Variants in PCDHA4 observed in about 807,000 individuals in gnomAD.
The protein encoded by PCDHA4 is protocadherin alpha-4.
A neutral mutation model predicts 61.4 loss-of-function variants in PCDHA4; 49 were observed. The ratio of observed to expected loss-of-function variants is 0.80; its 90% CI spans 0.63 to 1.01. The LOEUF (loss-of-function observed/expected upper bound fraction) is 1.01, where lower values mean the gene tolerates loss of function less well. Ranked by LOEUF, PCDHA4 falls within the 50% of genes least tolerant of loss-of-function variation. The pLI, the probability that PCDHA4 is intolerant of heterozygous loss-of-function variation, is 0.00. For synonymous variants in PCDHA4, 590 were observed against 550.3 expected, an observed-to-expected ratio of 1.07 and a Z score of -1.01; for missense variants, 1,254 against 1,235.8, an observed-to-expected ratio of 1.01 and a Z score of -0.22.
rs559156187 is a variant in PCDHA4 at position 140,858,121 on chromosome 5, G to A, written c.2385+48549G>A. On this transcript the variant is annotated intron_variant, in intron 1 of 3. Coordinates refer to ENST00000530339, the MANE Select transcript of PCDHA4 (RefSeq NM_018907.4). ...TGGGCGTGGCGCCCGAGGTGGCCCTGGTGGATGTCAACGTGTACCTGATCA... is the reference window on the plus strand; with the variant it reads ...TGGGCGTGGCGCCCGAGGTGGCCCTAGTGGATGTCAACGTGTACCTGATCA... 7 of 1,597,864 alleles carry A rather than the reference G, an allele frequency of 4.4e-6. No individual in the cohort carries two copies. The South Asian group carries it at 5.5e-5, about 13-fold the overall frequency.
intron 1 of PCDHA4, among the ~76,000 whole-genome samples, chr5:140,888,256 C>A (rs1454353322): frequency 6.6e-6 from 1 of 151,942 alleles, no homozygotes; most frequent in African/African-American, 2.4e-5. Context: ...AGCAGTAGTT[C>A]TTGATAAGAA....
intron 1 of PCDHA4, among the ~76,000 whole-genome samples, chr5:140,952,338 CAAAAA>C (rs55931446): frequency 7.4e-5 from 10 of 135,008 alleles, no homozygotes; most frequent in Admixed American, 1.5e-4. Context: ...AACTCCATCT[CAAAAA>C]AAAAAAAAAA....
intron 1 of PCDHA4, among the ~76,000 whole-genome samples, chr5:140,954,817 T>G (rs1461497595): frequency 1.3e-5 from 2 of 152,224 alleles, no homozygotes; most frequent in Non-Finnish European, 2.9e-5. Flanking sequence ...TGAAATTGCT[T>G]TAGGCACTTT....
intron 1 of PCDHA4, chr5:140,877,328 A>G (rs782817195): frequency 1.2e-6 from 2 of 1,613,980 alleles, no homozygotes; most frequent in Non-Finnish European, 1.7e-6. Context: ...GTCGGCGCGC[A>G]CATCCCGTTC....
At chr5:140,968,776 A>G (rs1346540500) in intron 1 of PCDHA4, 4 of 1,614,082 alleles carry the variant, frequency 2.5e-6, no homozygotes, top group Admixed American at 3.3e-5. Context: ...AGCCATCACT[A>G]TCAGCCTCTG....
chr5:140,874,266 T>C (rs1554167103), intron 1 of PCDHA4, among the ~76,000 whole-genome samples: 2 of 152,222 alleles, frequency 1.3e-5, no homozygotes, highest in Admixed American at 1.3e-4. Context: ...TTGACTTGAG[T>C]ATTAATAGAC....
intron 1 of PCDHA4, among the ~76,000 whole-genome samples, chr5:140,896,543 T>C (rs2065615880): frequency 6.6e-6 from 1 of 151,466 alleles, no homozygotes; most frequent in Non-Finnish European, 1.5e-5. Flanking sequence ...TTTCTTTTTT[T>C]TTTTTGTATT....
At chr5:140,978,570 G>A (rs151127662) in intron 1 of PCDHA4, among the ~76,000 whole-genome samples, 216 of 152,314 alleles carry the variant, frequency 1.4e-3, no homozygotes, top group African/African-American at 4.9e-3. Flanking sequence ...CTGTAATACT[G>A]AATTGGGAAT....
chr5:140,852,813 C>T, intron 1 of PCDHA4: 1 of 972,188 alleles, frequency 1.0e-6, no homozygotes, highest in Non-Finnish European at 1.2e-6. Context: ...TGTCTCCCGC[C>T]CTAAGTCCTC....
chr5:140,871,610 T>C (rs2053222652), intron 1 of PCDHA4: 1 of 1,429,404 alleles, frequency 7.0e-7, no homozygotes, highest in South Asian at 1.5e-5. Context: ...GTTTTGAATA[T>C]TGTTTTAGAT....
chr5:140,941,402 C>T (rs544909478), intron 1 of PCDHA4, among the ~76,000 whole-genome samples: 12 of 149,674 alleles, frequency 8.0e-5, no homozygotes, highest in African/African-American at 2.5e-4. Flanking sequence ...CTGCAACCTC[C>T]GCCTCCCGGG....
At chr5:140,857,691 T>C (rs189067845) in intron 1 of PCDHA4, 2 of 1,597,004 alleles carry the variant, frequency 1.3e-6, no homozygotes, top group Non-Finnish European at 1.7e-6. Context: ...GGCAGCAACT[T>C]GACGCTGCAG....
chr5:140,937,805 G>T (rs1192616946), intron 1 of PCDHA4, among the ~76,000 whole-genome samples: 1 of 149,924 alleles, frequency 6.7e-6, no homozygotes, highest in Admixed American at 6.6e-5. Flanking sequence ...CCAGCTACTC[G>T]GGAAGCTGAG....
At position 141,010,692 on chromosome 5, in the gene PCDHA4, G is replaced by A. The variant is rs1415098319; in HGVS notation, c.*755G>A. The A allele has an allele frequency of 1.9e-5, 3 of 159,998 alleles. No homozygotes were observed. The highest frequency in any genetic ancestry group is 7.2e-5 in the African/African-American group (3 of 41,584). 9.9% of individuals were successfully genotyped at this position (159,998 alleles called of 1,614,324 possible). On this transcript the variant is annotated 3_prime_UTR_variant, in exon 4 of 4. Coordinates refer to ENST00000530339, the MANE Select transcript of PCDHA4 (RefSeq NM_018907.4). ...TGGGAAACAGAAGCAGATCTGATGT[G>A]TTTCCTATACATGTCCTGTGCTCAC...
At chr5:140,994,329 T>A (rs1041024319) in intron 3 of PCDHA4, among the ~76,000 whole-genome samples, 2 of 152,096 alleles carry the variant, frequency 1.3e-5, no homozygotes, top group Non-Finnish European at 2.9e-5. Context: ...TCAGCAACCA[T>A]GAACAGTGGA....
rs1334280981 is a variant in PCDHA4, at chr5:140,848,756, T to C, written c.2385+39184T>C. On this transcript the variant is annotated intron_variant, in intron 1 of 3. Coordinates refer to ENST00000530339, the MANE Select transcript of PCDHA4 (RefSeq NM_018907.4). ...TGCAGAATGGCATTTTGTTTGTGAATTCTCGGATCGACCGCGAGGAGCTGT... is the reference window on the plus strand; with the variant it reads ...TGCAGAATGGCATTTTGTTTGTGAACTCTCGGATCGACCGCGAGGAGCTGT... 2 of 1,593,258 alleles carry C rather than the reference T, an allele frequency of 1.3e-6. 1 individual carries two copies. Among genetic ancestry groups the C allele is most frequent in the Non-Finnish European group, 1.7e-6 (2 of 1,164,046 alleles).
chr5:140,889,547 T>C (rs2062267601), intron 1 of PCDHA4, among the ~76,000 whole-genome samples: 1 of 152,192 alleles, frequency 6.6e-6, no homozygotes, highest in Non-Finnish European at 1.5e-5. Context: ...TCTAATTTAC[T>C]TTTCTTCAGA....
chr5:140,842,533 C>T, intron 1 of PCDHA4: 2 of 1,613,062 alleles, frequency 1.2e-6, no homozygotes, highest in Non-Finnish European at 1.7e-6. Context: ...TCAAGAATTA[C>T]TACTCGTTGG....
intron 1 of PCDHA4, among the ~76,000 whole-genome samples, chr5:140,921,833 T>C (rs1228666561): frequency 1.3e-5 from 2 of 152,094 alleles, no homozygotes; most frequent in Admixed American, 6.6e-5. Flanking sequence ...TATACACATA[T>C]AGACATATTT....
Sources: allele counts gnomAD v4.1 joint callset (sites outside exome capture counted in the v4.1 genomes callset), GRCh38; gene constraint gnomAD v4.1.1; transcripts MANE v1.5; gene names NCBI Gene and HGNC (gene_info 2026-07-23, HGNC 2026-07-21).